The following SACS variants were observed in gnomAD, a reference collection of about 807,000 sequenced individuals.
SACS encodes the protein sacsin molecular chaperone, also known as sacsin.
A neutral mutation model predicts 348.0 loss-of-function variants in SACS; 197 were observed. That is an observed-to-expected ratio of 0.57 (90% CI 0.50 to 0.64). The LOEUF is 0.64. Among genes scored for constraint, SACS ranks in the 30% least tolerant of loss-of-function variants. The pLI is 0.00. For missense variants in SACS, 4,999 were observed against 5,360.8 expected (o/e 0.93, Z 2.11); for synonymous variants, 1,985 against 1,910.6 (o/e 1.04, Z -1.02).
chr13:23,339,249 C>A lies in SACS; in HGVS notation c.4627G>T (p.Glu1543Ter). The A allele has an allele frequency of 6.2e-7, 1 of 1,606,568 alleles. No individual in the cohort carries two copies. The highest frequency in any genetic ancestry group is 8.5e-7 in the Non-Finnish European group (1 of 1,177,104). The change falls in exon 10 of 10, where the codon GAA (glutamate) becomes TAA (stop). Residue 1543 changes from glutamate (E) to a stop codon, truncating the protein, a stop_gained. Transcript: ENST00000382292. LOFTEE classifies it high-confidence loss of function. The stretch of plus-strand genomic sequence containing the variant: ...TCAACTTCTCCCCTTTTTAAAGATT[C>A]TCCTAACCTAGTTATGTTCACAAAA... Reference protein sequence around the residue: ...SDFVNITRLGESLKRGEVDKV... With the variant: ...SDFVNITRLG
At chr13:23,342,533 A>G (rs1251284325) in intron 9 of SACS, among the ~76,000 whole-genome samples, 2 of 152,218 alleles carry the variant, frequency 1.3e-5, no homozygotes, top group Non-Finnish European at 2.9e-5. Flanking sequence ...TTACCAGTTG[A>G]GCATTCCAAA....
intron 2 of SACS, among the ~76,000 whole-genome samples, chr13:23,410,780 G>A (rs544947978): frequency 1.6e-4 from 24 of 152,146 alleles, no homozygotes; most frequent in African/African-American, 5.3e-4. Context: ...ATTATATTTT[G>A]TCATAATTTA....
At chr13:23,426,244 C>T (rs1874168973) in intron 1 of SACS, among the ~76,000 whole-genome samples, 1 of 152,140 alleles carries the variant, frequency 6.6e-6, no homozygotes, top group South Asian at 2.1e-4. Context: ...GAGGACGCAC[C>T]CCTTACACAG....
At chr13:23,352,254 C>T (rs1319485561) in intron 9 of SACS, among the ~76,000 whole-genome samples, 2 of 152,214 alleles carry the variant, frequency 1.3e-5, no homozygotes, top group African/African-American at 2.4e-5. Flanking sequence ...CAGTAAAATA[C>T]CGTAACAATC....
At position 23,334,220 on chromosome 13, in the gene SACS, G is replaced by C. The variant is rs373442968; in HGVS notation, c.9656C>G (p.Ser3219Cys). Residue 3219 changes from serine to cysteine, a missense_variant, in exon 10 of 10, where the codon TCC becomes TGC. Ser to Cys is a moderately radical substitution (Grantham distance 112, BLOSUM62 -1). Around this residue, in one of 6 missense-constraint regions of SACS, gnomAD observed 734 missense variants for 694.0 expected, o/e 1.06. Transcript: ENST00000382292. ...FDISSFADLLSSVLPREYKTK... is the reference protein window; with the variant it reads ...FDISSFADLLCSVLPREYKTK... Reference sequence around the variant, plus strand: ...CTTATATTCTCGAGGCAACACAGAGGATAACAAATCAGCAAAGCTGGAAAT... The same window carrying C: ...CTTATATTCTCGAGGCAACACAGAGCATAACAAATCAGCAAAGCTGGAAAT... 6.2e-7 allele frequency: 1 copy of C among 1,613,532 alleles called. No homozygotes were observed. Among genetic ancestry groups the C allele is most frequent in the African/African-American group, 1.3e-5 (1 of 74,886 alleles).
intron 7 of SACS, among the ~76,000 whole-genome samples, chr13:23,356,428 C>G (rs1870397142): frequency 1.3e-5 from 2 of 152,250 alleles, no homozygotes; most frequent in Admixed American, 6.5e-5. Context: ...GCAGGTGACT[C>G]TGCCCACTGT....
At chr13:23,415,742 C>T (rs778407769) in intron 1 of SACS, among the ~76,000 whole-genome samples, 1 of 152,096 alleles carries the variant, frequency 6.6e-6, no homozygotes, top group East Asian at 1.9e-4. Context: ...AAGAAACTTT[C>T]CATCTACTAT....
intron 2 of SACS, among the ~76,000 whole-genome samples, chr13:23,404,914 A>C (rs1448816310): frequency 6.6e-6 from 1 of 152,210 alleles, no homozygotes; most frequent in African/African-American, 2.4e-5. Flanking sequence ...ATGAGAGGAC[A>C]CAAACAAATG....
rs370248518 is a variant in SACS at position 23,340,210 on chromosome 13, A to G, written c.3666T>C (p.Ser1222=). ...CAATTTTAAAGTGTTTTAAGACAGCACTAAGGCTAGGTTTTGTGAAGATCC... is the reference window on the plus strand; with the variant it reads ...CAATTTTAAAGTGTTTTAAGACAGCGCTAAGGCTAGGTTTTGTGAAGATCC... ...ALGIFTKPSL[S]AVLKHFKIVV... The change falls in exon 10 of 10, where the codon AGT becomes AGC. Residue 1222 remains serine, a synonymous_variant. Coordinates refer to ENST00000382292, the MANE Select transcript of SACS (RefSeq NM_014363.6). 3.1e-6 allele frequency: 5 copies of G among 1,611,062 alleles called. No individual in the cohort carries two copies. Among genetic ancestry groups the G allele is most frequent in the Non-Finnish European group, 4.2e-6 (5 of 1,178,256 alleles).
At position 23,333,379 on chromosome 13, in the gene SACS, G is replaced by A. The variant is rs755186798; in HGVS notation, c.10497C>T (p.Tyr3499=). ...SYDAKLEHLI[Y]LKNRLSSAEE... is the part of the protein sequence containing the mutation. The stretch of plus-strand genomic sequence containing the variant: ...CAGCACTTGATAATCTATTCTTAAG[G>A]TAGATCAAGTGCTCTAATTTTGCAT... The change falls in exon 10 of 10, where the codon TAC becomes TAT. Residue 3499 remains tyrosine, a synonymous_variant. Transcript: ENST00000382292. 45 of 1,602,662 alleles carry A rather than the reference G, an allele frequency of 2.8e-5. No individual in the cohort carries two copies. The highest frequency in any genetic ancestry group is 3.7e-5 in the Non-Finnish European group (43 of 1,175,898).
At chr13:23,383,720 C>T (rs1253706695) in intron 2 of SACS, among the ~76,000 whole-genome samples, 1 of 152,176 alleles carries the variant, frequency 6.6e-6, no homozygotes, top group Non-Finnish European at 1.5e-5. Flanking sequence ...GCAATAAGTC[C>T]AGGACAAACG....
rs1044929287 is a variant in SACS at position 23,331,891 on chromosome 13, C to T, written c.11985G>A (p.Leu3995=). The T allele has an allele frequency of 1.9e-6, 3 of 1,613,930 alleles. No homozygotes were observed. In the African/African-American group the frequency reaches 4.0e-5, roughly 22 times the overall value. Reference sequence around the variant, plus strand: ...ACTGCAATCTTCCTTGAAGAGAACACAACGCTCCAAACTGACAAACTTTGG... The same window carrying T: ...ACTGCAATCTTCCTTGAAGAGAACATAACGCTCCAAACTGACAAACTTTGG... ...ETPKVCQFGA[L]CSLQGRLQLL... is the part of the protein sequence containing the mutation. The change falls in exon 10 of 10, where the codon TTG becomes TTA. Residue 3995 remains leucine (L), a synonymous_variant. Coordinates refer to ENST00000382292, the MANE Select transcript of SACS (RefSeq NM_014363.6).
At chr13:23,421,652 C>T (rs923072020) in intron 1 of SACS, among the ~76,000 whole-genome samples, 5 of 151,978 alleles carry the variant, frequency 3.3e-5, no homozygotes, top group Admixed American at 2.6e-4. Flanking sequence ...CATCTTAAGT[C>T]CAGTGTCCAC....
chr13:23,335,120 GC>G lies in SACS; in HGVS notation c.8755del (p.Ala2919LeufsTer8). 1 of 1,613,868 alleles carries G rather than the reference GC, an allele frequency of 6.2e-7. No individual in the cohort carries two copies. Among genetic ancestry groups the G allele is most frequent in the Non-Finnish European group, 8.5e-7 (1 of 1,179,848 alleles). ...TATTAGCAATTCAACATATGCAGGA[GC>G]TATTAATGCTGTCATTAAACTGTTA... The part of the protein sequence containing the change: ...WNNSLMTALI[A>X]PAYVELLIQL... On this transcript the variant is annotated frameshift_variant, in exon 10 of 10. Transcript: ENST00000382292. LOFTEE classifies it high-confidence loss of function. The surrounding 1 kb of genome is among the most constrained non-coding windows in gnomAD (Gnocchi z 4.7).
intron 2 of SACS, among the ~76,000 whole-genome samples, chr13:23,410,412 T>TA (rs1387116819): frequency 6.6e-6 from 1 of 152,174 alleles, no homozygotes; most frequent in Admixed American, 6.5e-5. Context: ...TTCCACTGTC[T>TA]AATGGGTAAC....
intron 1 of SACS, among the ~76,000 whole-genome samples, chr13:23,423,651 G>A (rs1427615782): frequency 1.3e-5 from 2 of 151,938 alleles, no homozygotes; most frequent in Non-Finnish European, 2.9e-5. Context: ...TTATTATATC[G>A]CTGAATGGGA....
intron 1 of SACS, among the ~76,000 whole-genome samples, chr13:23,432,164 G>C (rs773035520): frequency 5.9e-5 from 9 of 152,192 alleles, no homozygotes; most frequent in Non-Finnish European, 1.2e-4. Context: ...GGCAAGTCCT[G>C]CGTAAAGCAA....
chr13:23,385,078 G>T (rs1326038062), intron 2 of SACS, among the ~76,000 whole-genome samples: 1 of 151,854 alleles, frequency 6.6e-6, no homozygotes, highest in East Asian at 1.9e-4. Flanking sequence ...TGGCTAACAC[G>T]GTGAAACGCC....
At chr13:23,392,990 G>A (rs777625000) in intron 2 of SACS, among the ~76,000 whole-genome samples, 3 of 152,164 alleles carry the variant, frequency 2.0e-5, no homozygotes, top group Non-Finnish European at 4.4e-5. Context: ...GACATCGGGA[G>A]AGGCCATTCA....
Sources: allele counts gnomAD v4.1 joint callset (sites outside exome capture counted in the v4.1 genomes callset), GRCh38; gene constraint gnomAD v4.1.1; regional missense constraint gnomAD v4.1.1; non-coding constraint Gnocchi (gnomAD v3.1); transcripts MANE v1.5; gene names NCBI Gene and HGNC (gene_info 2026-07-23, HGNC 2026-07-21).